Variants in DENND2A observed in about 807,000 individuals in gnomAD.
DENND2A encodes DENN domain containing 2A.
Under a neutral mutation model 105.3 loss-of-function variants are expected in DENND2A, and 53 were observed. That is an observed-to-expected ratio of 0.50 (90% CI 0.40 to 0.63). The LOEUF is 0.63. DENND2A is among the 30% of genes least tolerant of loss of function. The pLI is 0.00. For missense variants in DENND2A, 1,138 were observed against 1,279.6 expected (o/e 0.89, Z 1.69); for synonymous variants, 522 against 508.4 (o/e 1.03, Z -0.36).
chr7:140,600,074 G>A (rs560008413), intron 3 of DENND2A, among the ~76,000 whole-genome samples: 147 of 152,086 alleles, frequency 9.7e-4, no homozygotes, highest in African/African-American at 3.4e-3. Flanking sequence ...GAGAGGAATT[G>A]GAGATGACTT....
intron 1 of DENND2A, among the ~76,000 whole-genome samples, chr7:140,611,372 A>T (rs1799890883): frequency 6.6e-6 from 1 of 152,032 alleles, no homozygotes; most frequent in Non-Finnish European, 1.5e-5. Context: ...TCTCTACAAA[A>T]AATAAAAAAT....
intron 5 of DENND2A, among the ~76,000 whole-genome samples, chr7:140,578,064 C>T (rs269219): frequency 0.5 from 76,361 of 151,710 alleles, 21,105 homozygotes; most frequent in African/African-American, 0.74. Flanking sequence ...GAGAGGCTCC[C>T]AGACACCCCT....
intron 12 of DENND2A, among the ~76,000 whole-genome samples, chr7:140,549,047 A>C (rs1357779753): frequency 6.6e-6 from 1 of 151,484 alleles, no homozygotes; most frequent in Admixed American, 6.6e-5. Flanking sequence ...GTGAAACCCC[A>C]TCTCTACTAA....
chr7:140,574,942 C>T (rs1350457176), intron 5 of DENND2A, among the ~76,000 whole-genome samples: 2 of 152,092 alleles, frequency 1.3e-5, no homozygotes, highest in African/African-American at 4.8e-5. Flanking sequence ...ATCGCCTGAA[C>T]CCTGGAGGCG....
intron 13 of DENND2A, among the ~76,000 whole-genome samples, chr7:140,545,512 G>C (rs772687548): frequency 2.0e-5 from 3 of 152,036 alleles, no homozygotes; most frequent in Non-Finnish European, 4.4e-5. Flanking sequence ...CACCATGCCT[G>C]GCTAATTTTT....
intron 1 of DENND2A, among the ~76,000 whole-genome samples, chr7:140,610,623 TGTCAA>T (rs890733782): frequency 2.6e-5 from 4 of 152,172 alleles, no homozygotes; most frequent in Non-Finnish European, 5.9e-5. Flanking sequence ...AATTCTAAAA[TGTCAA>T]GTCATTAATT....
At chr7:140,639,830 G>C (rs1432652684) in intron 1 of DENND2A, among the ~76,000 whole-genome samples, 2 of 152,078 alleles carry the variant, frequency 1.3e-5, no homozygotes, top group East Asian at 1.9e-4. Context: ...CCTGCTTCCT[G>C]TCCCAGGCCC....
intron 5 of DENND2A, among the ~76,000 whole-genome samples, chr7:140,577,727 A>G (rs1798363688): frequency 6.6e-6 from 1 of 152,148 alleles, no homozygotes; most frequent in Non-Finnish European, 1.5e-5. Flanking sequence ...GCCAGATTGT[A>G]CTTAAGGCTT....
intron 9 of DENND2A, among the ~76,000 whole-genome samples, chr7:140,561,351 T>G (rs1797603669): frequency 6.6e-6 from 1 of 152,216 alleles, no homozygotes; most frequent in Admixed American, 6.5e-5. Context: ...TTAAATTTCC[T>G]TTATAAAAAG....
intron 6 of DENND2A, among the ~76,000 whole-genome samples, chr7:140,571,612 C>T (rs765733780): frequency 1.3e-5 from 2 of 151,956 alleles, no homozygotes; most frequent in Non-Finnish European, 2.9e-5. Context: ...TCAACAGTCA[C>T]TTCTGTTGAA....
Position 140,605,728 on chromosome 7 carries a change from G to A in DENND2A, c.-169C>T, listed in dbSNP as rs1799664751. ...ACTTGTCAGCCAATTTGTAGCTCAG[G>A]TTTTCAGTCTGGCTGTGGCTGCCCT... On this transcript the variant is annotated 5_prime_UTR_variant, in exon 2 of 20. Coordinates refer to ENST00000496613, the MANE Select transcript of DENND2A (RefSeq NM_015689.5). The A allele has an allele frequency of 6.6e-6, 1 of 152,306 alleles. No individual in the cohort carries two copies. The highest frequency in any genetic ancestry group is 1.5e-5 in the Non-Finnish European group (1 of 68,158). The allele number at this position is 152,306 out of a possible 1,614,324, so 9.4% of individuals were successfully genotyped here. A position where few individuals can be genotyped will look rare whatever the true frequency, so the allele number is the denominator to read the frequency against.
At chr7:140,554,246 G>T (rs1325556216) in intron 12 of DENND2A, among the ~76,000 whole-genome samples, 1 of 151,938 alleles carries the variant, frequency 6.6e-6, no homozygotes, top group Non-Finnish European at 1.5e-5. Context: ...ATGCTTTTAG[G>T]GAGTACTGCT....
intron 12 of DENND2A, among the ~76,000 whole-genome samples, chr7:140,549,035 C>T (rs940447116): frequency 6.6e-5 from 10 of 151,572 alleles, no homozygotes; most frequent in African/African-American, 1.2e-4. Context: ...CCTGCCAACA[C>T]GGTGAAACCC....
intron 12 of DENND2A, among the ~76,000 whole-genome samples, chr7:140,547,554 A>C (rs75350819): frequency 5.9e-5 from 9 of 152,162 alleles, no homozygotes; most frequent in Non-Finnish European, 1.2e-4. Flanking sequence ...TAGTGAAGCT[A>C]CTCTGGAGAA....
chr7:140,533,703 G>A (rs560547811), intron 14 of DENND2A, among the ~76,000 whole-genome samples: 11 of 152,340 alleles, frequency 7.2e-5, no homozygotes, highest in African/African-American at 1.9e-4. Context: ...AGCTGGCCGC[G>A]TGGGAGGAGC....
At chr7:140,595,948 GA>G (rs1036798612) in intron 3 of DENND2A, among the ~76,000 whole-genome samples, 1 of 152,116 alleles carries the variant, frequency 6.6e-6, no homozygotes, top group African/African-American at 2.4e-5. Context: ...CCATACTCAG[GA>G]AGGGCTTTCC....
intron 14 of DENND2A, among the ~76,000 whole-genome samples, chr7:140,542,690 G>GTAGC (rs2130515446): frequency 6.6e-6 from 1 of 151,120 alleles, no homozygotes; most frequent in South Asian, 2.1e-4. Context: ...AGCCTCCCAG[G>GTAGC]TAGCTGGGAT....
chr7:140,525,153 CTT>C (rs1198329788), intron 16 of DENND2A, among the ~76,000 whole-genome samples: 27 of 111,934 alleles, frequency 2.4e-4, no homozygotes, highest in Admixed American at 3.8e-4. Context: ...GAGACCCTGT[CTT>C]TTTTTTTTTT....
Position 140,587,553 on chromosome 7 carries a change from T to C in DENND2A, c.1123+100A>G, listed in dbSNP as rs551804698. Reference sequence around the variant, plus strand: ...AGGTGTCTTCAAGTGTGTGTGTGTGTACATGTGTGTGCACGTGTGTTTCCA... The same window carrying C: ...AGGTGTCTTCAAGTGTGTGTGTGTGCACATGTGTGTGCACGTGTGTTTCCA... On this transcript the variant is annotated intron_variant, in intron 4 of 19. Coordinates refer to ENST00000496613, the MANE Select transcript of DENND2A (RefSeq NM_015689.5). The C allele has an allele frequency of 2.7e-4, 409 of 1,488,828 alleles. 4 individuals are homozygous for C. The highest frequency in any genetic ancestry group is 2.7e-4 in the Non-Finnish European group (292 of 1,084,514). The allele number at this position is 1,488,828 out of a possible 1,614,324, so 92.2% of individuals were successfully genotyped here.
Sources: gnomAD v4.1 joint callset for allele counts (sites outside exome capture counted in the v4.1 genomes callset) on GRCh38, gnomAD v4.1.1 for gene constraint, MANE v1.5 for transcripts, NCBI Gene and HGNC (gene_info 2026-07-23, HGNC 2026-07-21) for gene names.